Variants in PPARGC1A observed in about 807,000 individuals in gnomAD.
The protein encoded by PPARGC1A is peroxisome proliferator-activated receptor gamma coactivator 1-alpha.
PPARGC1A carries 25 observed loss-of-function variants against 88.7 expected under a neutral mutation model. That is an observed-to-expected ratio of 0.28 (90% CI 0.21 to 0.39). PPARGC1A has a LOEUF of 0.39. PPARGC1A is among the 10% of genes least tolerant of loss of function. The pLI is 1.00. For synonymous variants in PPARGC1A, 363 were observed against 355.6 expected, an observed-to-expected ratio of 1.02 and a Z score of -0.24; for missense variants, 880 against 968.7, an observed-to-expected ratio of 0.91 and a Z score of 1.22.
At chr4:24,244,118 C>T in the PPARGC1A span, among the ~76,000 whole-genome samples, 1 of 152,154 alleles carries the variant, frequency 6.6e-6, no homozygotes, top group Non-Finnish European at 1.5e-5. Flanking sequence ...CTCTTCCAGG[C>T]CCCTCACCAT....
chr4:24,335,454 T>A, the PPARGC1A span, among the ~76,000 whole-genome samples: 2 of 152,196 alleles, frequency 1.3e-5, no homozygotes, highest in African/African-American at 4.8e-5. Context: ...TTCCTTTTTG[T>A]CTTCCCTCCT....
chr4:24,182,213 T>G, the PPARGC1A span, among the ~76,000 whole-genome samples: 1 of 152,168 alleles, frequency 6.6e-6, no homozygotes, highest in Non-Finnish European at 1.5e-5. Context: ...GTTCTCATTG[T>G]TCAACTCCCA....
At chr4:23,796,018 C>T (rs1257665276) in intron 12 of PPARGC1A, 93 bp from the exon 13 acceptor site, 14 of 846,334 alleles carry the variant, frequency 1.7e-5, no homozygotes, top group Non-Finnish European at 2.7e-5. Flanking sequence ...TCGATAACAA[C>T]TCTTCCAATC....
the PPARGC1A span, among the ~76,000 whole-genome samples, chr4:24,056,345 A>G: frequency 6.6e-6 from 1 of 152,158 alleles, no homozygotes; most frequent in African/African-American, 2.4e-5. Flanking sequence ...TGCTTGCCCA[A>G]TTAGGAAAGT....
chr4:24,238,104 A>G, the PPARGC1A span, among the ~76,000 whole-genome samples: 5 of 152,276 alleles, frequency 3.3e-5, no homozygotes, highest in Admixed American at 2.0e-4. Context: ...TATAGAGCCT[A>G]CTGTGTGTAG....
chr4:24,169,542 G>A, the PPARGC1A span, among the ~76,000 whole-genome samples: 1 of 151,546 alleles, frequency 6.6e-6, no homozygotes, highest in East Asian at 1.9e-4. Context: ...AAATCTATAA[G>A]GGATTTAAAA....
At chr4:24,070,688 C>G in the PPARGC1A span, among the ~76,000 whole-genome samples, 1 of 152,144 alleles carries the variant, frequency 6.6e-6, no homozygotes, top group African/African-American at 2.4e-5. Flanking sequence ...AAACTACGGT[C>G]CATGGACCAA....
At chr4:23,824,810 A>G (rs2290603) in intron 5 of PPARGC1A, among the ~76,000 whole-genome samples, 124,753 of 152,104 alleles carry the variant, frequency 0.82, 51,347 homozygotes, top group African/African-American at 0.88. Context: ...AATGTTTTCT[A>G]TTTTAATTTG....
At chr4:23,827,220 A>AG (rs927104850) in intron 5 of PPARGC1A, among the ~76,000 whole-genome samples, 2 of 152,190 alleles carry the variant, frequency 1.3e-5, no homozygotes, top group Non-Finnish European at 2.9e-5. Flanking sequence ...CCTAATGGAA[A>AG]GCCATTTTAA....
the PPARGC1A span, among the ~76,000 whole-genome samples, chr4:24,300,073 C>T: frequency 6.6e-6 from 1 of 152,108 alleles, no homozygotes; most frequent in African/African-American, 2.4e-5. Context: ...TCTTAAAGGT[C>T]AGGTCTGATT....
At chr4:24,458,453 A>G in the PPARGC1A span, among the ~76,000 whole-genome samples, 1 of 152,224 alleles carries the variant, frequency 6.6e-6, no homozygotes, top group African/African-American at 2.4e-5. Flanking sequence ...GTGAGCCAAG[A>G]TCGTGCCACT....
At chr4:23,797,276 C>T (rs972073702) in intron 12 of PPARGC1A, among the ~76,000 whole-genome samples, 1 of 152,122 alleles carries the variant, frequency 6.6e-6, no homozygotes, top group African/African-American at 2.4e-5. Context: ...CGCTTCTCTT[C>T]ATAGGCTAAT....
chr4:23,927,728 A>G, the PPARGC1A span, among the ~76,000 whole-genome samples: 1 of 152,162 alleles, frequency 6.6e-6, no homozygotes, highest in Admixed American at 6.5e-5. Flanking sequence ...AACTCAGCCA[A>G]GTTTACCCAC....
intron 2 of PPARGC1A, among the ~76,000 whole-genome samples, chr4:23,850,662 C>T (rs769699737): frequency 2.6e-5 from 4 of 152,130 alleles, no homozygotes; most frequent in Admixed American, 1.3e-4. Flanking sequence ...GTCATTGATA[C>T]GCTCTTGCTG....
At chr4:23,939,969 G>T in the PPARGC1A span, among the ~76,000 whole-genome samples, 6 of 152,054 alleles carry the variant, frequency 3.9e-5, no homozygotes, top group Non-Finnish European at 8.8e-5. Flanking sequence ...TCCCTCACTT[G>T]GAAGTATTCA....
At chr4:24,023,236 T>A in the PPARGC1A span, among the ~76,000 whole-genome samples, 1 of 152,204 alleles carries the variant, frequency 6.6e-6, no homozygotes, top group Non-Finnish European at 1.5e-5. Context: ...TTATGATGAA[T>A]ATTTAAGATC....
the PPARGC1A span, among the ~76,000 whole-genome samples, chr4:24,405,845 T>C: frequency 6.6e-6 from 1 of 152,134 alleles, no homozygotes; most frequent in African/African-American, 2.4e-5. Flanking sequence ...TTTTCTTCAC[T>C]CTCCCCTTTC....
the PPARGC1A span, among the ~76,000 whole-genome samples, chr4:24,125,847 C>A: frequency 6.6e-6 from 1 of 152,158 alleles, no homozygotes. Flanking sequence ...ATCTGCCCTG[C>A]CCACCTCCCA....
At chr4:23,971,253 G>A in the PPARGC1A span, among the ~76,000 whole-genome samples, 1 of 152,108 alleles carries the variant, frequency 6.6e-6, no homozygotes, top group Non-Finnish European at 1.5e-5. Flanking sequence ...TAAGGTAATA[G>A]TAATGTAGTA....
Sources: allele counts gnomAD v4.1 joint callset (sites outside exome capture counted in the v4.1 genomes callset), GRCh38; gene constraint gnomAD v4.1.1; transcripts MANE v1.5; gene names NCBI Gene and HGNC (gene_info 2026-07-23, HGNC 2026-07-21).